KALRN: variants seen among roughly 807,000 people sequenced by gnomAD.
The protein encoded by KALRN is kalirin.
KALRN carries 70 observed loss-of-function variants against 353.7 expected under a neutral mutation model. The ratio of observed to expected loss-of-function variants is 0.20; its 90% CI spans 0.16 to 0.24. The LOEUF (loss-of-function observed/expected upper bound fraction) is 0.24. Among genes scored for constraint, KALRN ranks in the 10% least tolerant of loss-of-function variants. KALRN has a pLI of 1.00. For synonymous variants in KALRN, 1,391 were observed against 1,434.8 expected (o/e 0.97, Z 0.69); for missense variants, 2,791 against 3,756.7 (o/e 0.74, Z 6.72).
chr3:124,090,697 C>T (rs758958092), intron 1 of KALRN, among the ~76,000 whole-genome samples: 4 of 152,246 alleles, frequency 2.6e-5, no homozygotes, highest in South Asian at 2.1e-4. Flanking sequence ...GATAGTGACA[C>T]GAAGCTGGTG....
intron 25 of KALRN, among the ~76,000 whole-genome samples, chr3:124,466,057 TGTGTGTGTG>T (rs1228751190): frequency 6.6e-6 from 1 of 151,774 alleles, no homozygotes; most frequent in African/African-American, 2.4e-5. Flanking sequence ...TGTGTGTGTG[TGTGTGTGTG>T]TGTGTGTGTG....
chr3:124,521,747 A>G (rs987205804), intron 33 of KALRN, among the ~76,000 whole-genome samples: 2 of 152,230 alleles, frequency 1.3e-5, no homozygotes, highest in Non-Finnish European at 2.9e-5. Context: ...AGAAACAGAG[A>G]GAGGCAAGGC....
chr3:124,073,709 G>T (rs1419383976), intron 1 of KALRN, among the ~76,000 whole-genome samples: 1 of 152,128 alleles, frequency 6.6e-6, no homozygotes, highest in East Asian at 1.9e-4. Flanking sequence ...CCCCAGAATT[G>T]CCCTTTTAAG....
chr3:124,623,428 A>ACACAC (rs1554055226), intron 34 of KALRN, among the ~76,000 whole-genome samples: 2 of 122,724 alleles, frequency 1.6e-5, no homozygotes, highest in African/African-American at 2.9e-5. Flanking sequence ...ACACACACAC[A>ACACAC]AAAGGGAGTT....
chr3:124,487,784 G>A (rs138838101), intron 28 of KALRN, among the ~76,000 whole-genome samples: 44 of 152,218 alleles, frequency 2.9e-4, no homozygotes, highest in African/African-American at 1.1e-3. Context: ...AGGGATATTT[G>A]GGTACTGCAT....
At chr3:124,268,328 T>C (rs1265596320) in intron 4 of KALRN, among the ~76,000 whole-genome samples, 1 of 152,214 alleles carries the variant, frequency 6.6e-6, no homozygotes, top group Non-Finnish European at 1.5e-5. Flanking sequence ...AATCCAACTA[T>C]GATGATACCC....
At chr3:124,273,573 A>G (rs977137504) in intron 5 of KALRN, among the ~76,000 whole-genome samples, 1 of 152,240 alleles carries the variant, frequency 6.6e-6, no homozygotes, top group Non-Finnish European at 1.5e-5. Flanking sequence ...GGTAATAGAC[A>G]TAGCCATACC....
chr3:124,421,418 T>C (rs958391591), intron 14 of KALRN, among the ~76,000 whole-genome samples: 2 of 152,204 alleles, frequency 1.3e-5, no homozygotes, highest in Non-Finnish European at 2.9e-5. Flanking sequence ...TCTATATTTA[T>C]TGTGTATCAT....
chr3:124,640,662 C>T (rs1472590339), intron 37 of KALRN, among the ~76,000 whole-genome samples: 3 of 152,072 alleles, frequency 2.0e-5, no homozygotes, highest in Non-Finnish European at 2.9e-5. Flanking sequence ...GAGGAGGTAA[C>T]CAAACCATGT....
intron 34 of KALRN, among the ~76,000 whole-genome samples, chr3:124,627,039 T>G (rs376397402): frequency 1.3e-5 from 2 of 152,256 alleles, no homozygotes; most frequent in African/African-American, 4.8e-5. Flanking sequence ...AGCTGTTTTA[T>G]CTAGAAAGAT....
At chr3:124,439,182 T>C (rs2093583524) in intron 18 of KALRN, 145 bp downstream of exon 18, 7 of 608,314 alleles carry the variant, frequency 1.2e-5, no homozygotes, top group South Asian at 2.0e-5. Context: ...TCCTCCTTCT[T>C]CTCCTTCTCT....
intron 14 of KALRN, among the ~76,000 whole-genome samples, chr3:124,417,300 C>T (rs530753377): frequency 1.1e-4 from 16 of 152,304 alleles, no homozygotes; most frequent in African/African-American, 3.1e-4. Context: ...TACTGTGGCA[C>T]GCCTTGATTC....
chr3:124,187,521 G>A (rs1327753550), intron 1 of KALRN, among the ~76,000 whole-genome samples: 1 of 152,220 alleles, frequency 6.6e-6, no homozygotes, highest in East Asian at 1.9e-4. Flanking sequence ...TGGTATGAAA[G>A]GCCATCTTCA....
chr3:124,436,342 C>CA (rs1240831441), intron 17 of KALRN, among the ~76,000 whole-genome samples: 1 of 152,208 alleles, frequency 6.6e-6, no homozygotes, highest in Non-Finnish European at 1.5e-5. Context: ...CTTCTAATCC[C>CA]AAATTGTTTG....
At chr3:124,186,549 C>T (rs1435137532) in intron 1 of KALRN, among the ~76,000 whole-genome samples, 1 of 152,172 alleles carries the variant, frequency 6.6e-6, no homozygotes, top group Non-Finnish European at 1.5e-5. Context: ...GAGACCTTGT[C>T]ATATATACTA....
At position 124,464,530 on chromosome 3, in the gene KALRN, C is replaced by T. The variant is rs118151939; in HGVS notation, c.4031+1897C>T. Among the ~76,000 whole-genome samples, 178 of 152,082 alleles carry T rather than the reference C, an allele frequency of 1.2e-3. 3 individuals carry two copies. The East Asian group carries it at 0.031, about 26-fold the overall frequency. ...AATCAAATTAAACCATAGAGAATCT[C>T]GCATGCTGTAAATCGAGGAATAAAT... On this transcript the variant is annotated intron_variant, in intron 25 of 59. Coordinates refer to ENST00000682506, the MANE Select transcript of KALRN (RefSeq NM_001388419.1).
In KALRN at chr3:124,523,332, G is replaced by A. The variant is rs563779217; in HGVS notation, c.4935+26919G>A. ...CTGTTCAGAATCCCACTTGCTGCAA[G>A]TAGATTATTCATATAAGTGATTAAC... On this transcript the variant is annotated intron_variant, in intron 33 of 59. Coordinates refer to ENST00000682506, the MANE Select transcript of KALRN (RefSeq NM_001388419.1). 2.0e-5 allele frequency among the ~76,000 whole-genome samples: 3 copies of A among 152,318 alleles called. No homozygotes were observed. In the South Asian group the frequency reaches 6.2e-4, roughly 32 times the overall value.
intron 1 of KALRN, among the ~76,000 whole-genome samples, chr3:124,200,863 G>A (rs2150391282): frequency 6.6e-6 from 1 of 152,296 alleles, no homozygotes; most frequent in South Asian, 2.1e-4. Flanking sequence ...GTATGGCATA[G>A]ATAATGCAGG....
chr3:124,681,629 C>CTTTTTTTTTT (rs56934346), intron 51 of KALRN, among the ~76,000 whole-genome samples: 5 of 103,722 alleles, frequency 4.8e-5, no homozygotes, highest in African/African-American at 7.8e-5. Flanking sequence ...CAGTGATTGT[C>CTTTTTTTTTT]TTTTTTTTTT....
Sources: allele counts gnomAD v4.1 joint callset (sites outside exome capture counted in the v4.1 genomes callset), GRCh38; gene constraint gnomAD v4.1.1; transcripts MANE v1.5; gene names NCBI Gene and HGNC (gene_info 2026-07-23, HGNC 2026-07-21).